Variants in EEF1AKMT1 observed in about 807,000 individuals in gnomAD.
EEF1AKMT1 encodes the protein N-6 adenine-specific DNA methyltransferase 2 (putative).
In EEF1AKMT1, 18 loss-of-function variants were observed where a neutral mutation model predicts 21.0. That is an observed-to-expected ratio of 0.86 (90% CI 0.59 to 1.27). The LOEUF (loss-of-function observed/expected upper bound fraction) is 1.27. Ranked by LOEUF, EEF1AKMT1 falls within the 50% of genes most tolerant of loss-of-function variation. EEF1AKMT1 has a pLI of 0.00. For missense variants in EEF1AKMT1, 246 were observed against 258.6 expected, an observed-to-expected ratio of 0.95 and a Z score of 0.33; for synonymous variants, 109 against 94.8, an observed-to-expected ratio of 1.15 and a Z score of -0.87.
At chr13:20,738,896 G>C (rs891593245) in intron 2 of EEF1AKMT1, among the ~76,000 whole-genome samples, 1 of 149,430 alleles carries the variant, frequency 6.7e-6, no homozygotes, top group Non-Finnish European at 1.5e-5. Context: ...TTCTAAAATT[G>C]ACTGTGGTGA....
intron 2 of EEF1AKMT1, among the ~76,000 whole-genome samples, chr13:20,753,906 G>C (rs974992584): frequency 6.6e-6 from 1 of 152,088 alleles, no homozygotes; most frequent in Non-Finnish European, 1.5e-5. Flanking sequence ...TAAGAGGAAA[G>C]TGTAATCCAT....
At chr13:20,741,539 C>T (rs2058871517) in intron 2 of EEF1AKMT1, among the ~76,000 whole-genome samples, 1 of 149,966 alleles carries the variant, frequency 6.7e-6, no homozygotes, top group Non-Finnish European at 1.5e-5. Flanking sequence ...TCACTGCAAC[C>T]TCCATCTCCC....
At chr13:20,760,406 A>G (rs1268173859) in intron 1 of EEF1AKMT1, among the ~76,000 whole-genome samples, 3 of 152,222 alleles carry the variant, frequency 2.0e-5, no homozygotes, top group Non-Finnish European at 4.4e-5. Context: ...ATGCAGCTAG[A>G]GGCTATTATC....
In EEF1AKMT1 at chr13:20,751,319, T is replaced by G. The variant is rs571475727; in HGVS notation, c.144+6136A>C. On this transcript the variant is annotated intron_variant, in intron 2 of 4. Transcript: ENST00000382758. ...TATAGTTTCAGGATATATGCTTACG[T>G]CTAATCCATCTTGAGTTGACTTTTG... Among the ~76,000 whole-genome samples the G allele has an allele frequency of 4.6e-5, 7 of 152,332 alleles. 1 individual carries two copies. The highest frequency in any genetic ancestry group is 1.7e-4 in the African/African-American group (7 of 41,584).
chr13:20,747,350 A>G (rs2058910882), intron 2 of EEF1AKMT1: 1 of 236,770 alleles, frequency 4.2e-6, no homozygotes. Flanking sequence ...TTGGTGGAAG[A>G]GAACGGATTT....
intron 2 of EEF1AKMT1, among the ~76,000 whole-genome samples, chr13:20,742,349 T>A (rs1022735560): frequency 6.7e-6 from 1 of 150,224 alleles, no homozygotes; most frequent in South Asian, 2.1e-4. Flanking sequence ...CTTTATACAG[T>A]CTTTGAGAAA....
chr13:20,772,734 AGGGGC>A (rs1047917142), intron 1 of EEF1AKMT1, among the ~76,000 whole-genome samples: 31 of 152,310 alleles, frequency 2.0e-4, no homozygotes, highest in African/African-American at 5.8e-4. Context: ...GCATGAGCAA[AGGGGC>A]GGACACGTTA....
intron 4 of EEF1AKMT1, among the ~76,000 whole-genome samples, chr13:20,730,942 C>T (rs2058790410): frequency 6.6e-6 from 1 of 152,160 alleles, no homozygotes; most frequent in Admixed American, 6.5e-5. Flanking sequence ...ACTTTAAGGT[C>T]TGTAACACAT....
intron 1 of EEF1AKMT1, among the ~76,000 whole-genome samples, chr13:20,765,828 G>A (rs1474735561): frequency 6.6e-6 from 1 of 151,506 alleles, no homozygotes; most frequent in Non-Finnish European, 1.5e-5. Context: ...ATTTCAACAG[G>A]CACTTTATAA....
Position 20,757,501 on chromosome 13 carries a change from G to A in EEF1AKMT1, c.98C>T (p.Pro33Leu). 1.2e-6 allele frequency: 2 copies of A among 1,614,080 alleles called. No homozygotes were observed. The highest frequency in any genetic ancestry group is 3.3e-5 in the Admixed American group (2 of 59,998). The change falls in exon 2 of 5, where the codon CCA (proline) becomes CTA (leucine). Residue 33 changes from proline (P) to leucine (L), a missense_variant. Physicochemically the swap from Pro to Leu is moderately conservative, Grantham distance 98 (BLOSUM62 -3). Transcript: ENST00000382758. ...FYAEQKQQIE[P>L]GEDDKYNIGI... is the part of the protein sequence containing the mutation. ...AATGTTATATTTATCATCCTCGCCTGGCTCAATTTGTTGCTTTTGCTCAGC... is the reference window on the plus strand; with the variant it reads ...AATGTTATATTTATCATCCTCGCCTAGCTCAATTTGTTGCTTTTGCTCAGC...
chr13:20,754,722 CCT>C (rs1377312370), intron 2 of EEF1AKMT1, among the ~76,000 whole-genome samples: 1 of 138,436 alleles, frequency 7.2e-6, no homozygotes, highest in Non-Finnish European at 1.5e-5. Context: ...ATGGTAAAAC[CCT>C]GTCTCTACCA....
intron 2 of EEF1AKMT1, among the ~76,000 whole-genome samples, chr13:20,756,669 A>T (rs996898922): frequency 1.6e-4 from 24 of 152,234 alleles, no homozygotes; most frequent in Non-Finnish European, 2.2e-4. Flanking sequence ...AAAGCCTGAA[A>T]GCCAAGCTAC....
intron 2 of EEF1AKMT1, among the ~76,000 whole-genome samples, chr13:20,741,069 T>A (rs2058867751): frequency 6.6e-6 from 1 of 151,984 alleles, no homozygotes; most frequent in Non-Finnish European, 1.5e-5. Context: ...TTCTCCAGTT[T>A]GTTTAGTGAA....
chr13:20,766,647 T>C (rs1357346292), intron 1 of EEF1AKMT1, among the ~76,000 whole-genome samples: 1 of 151,728 alleles, frequency 6.6e-6, no homozygotes, highest in Non-Finnish European at 1.5e-5. Context: ...TATGGTGAAA[T>C]CCTGTCTCAA....
intron 2 of EEF1AKMT1, among the ~76,000 whole-genome samples, chr13:20,751,576 T>C (rs118065190): frequency 0.01 from 1,577 of 152,342 alleles, 16 homozygotes; most frequent in Non-Finnish European, 0.018. Context: ...TAACATCATT[T>C]GAACTCAGGT....
rs559652163 is a variant in EEF1AKMT1 at position 20,758,203 on chromosome 13, C to G, written c.-19-586G>C. ...TTTTAGCATCTATTCTCTCTGAAGC[C>G]TGCTGCCTGCAGGTTTCATCTACAT... On this transcript the variant is annotated intron_variant, in intron 1 of 4. Transcript: ENST00000382758. Among the ~76,000 whole-genome samples the G allele has an allele frequency of 2.0e-5, 3 of 151,818 alleles. No homozygotes were observed. The South Asian group carries it at 6.2e-4, about 32-fold the overall frequency.
intron 1 of EEF1AKMT1, among the ~76,000 whole-genome samples, chr13:20,765,928 C>A (rs950349489): frequency 1.3e-5 from 2 of 152,054 alleles, no homozygotes; most frequent in Admixed American, 6.6e-5. Context: ...TGAGATACCA[C>A]TATACACCTA....
At chr13:20,751,197 CTA>C (rs2058938206) in intron 2 of EEF1AKMT1, among the ~76,000 whole-genome samples, 1 of 152,100 alleles carries the variant, frequency 6.6e-6, no homozygotes, top group African/African-American at 2.4e-5. Context: ...TCCCATTTGT[CTA>C]TTTTTGTTTC....
chr13:20,735,401 A>G (rs2058821398), intron 3 of EEF1AKMT1, among the ~76,000 whole-genome samples: 1 of 152,206 alleles, frequency 6.6e-6, no homozygotes, highest in African/African-American at 2.4e-5. Flanking sequence ...GGAAGATGCC[A>G]GGCACAGCGG....
Sources: gnomAD v4.1 joint callset for allele counts (sites outside exome capture counted in the v4.1 genomes callset) on GRCh38, gnomAD v4.1.1 for gene constraint, MANE v1.5 for transcripts, NCBI Gene and HGNC (gene_info 2026-07-23, HGNC 2026-07-21) for gene names.